The following PTPRR variants were observed in gnomAD, a reference collection of about 807,000 sequenced individuals.
The protein encoded by PTPRR is receptor-type tyrosine-protein phosphatase R.
In PTPRR, 38 loss-of-function variants were observed where a neutral mutation model predicts 77.2. The ratio of observed to expected loss-of-function variants is 0.49; its 90% CI spans 0.38 to 0.65. The LOEUF (loss-of-function observed/expected upper bound fraction) is 0.65, where lower values mean the gene tolerates loss of function less well. Ranked by LOEUF, PTPRR falls within the 30% of genes least tolerant of loss-of-function variation. The pLI, the probability that PTPRR is intolerant of heterozygous loss-of-function variation, is 0.00. For missense variants in PTPRR, 744 were observed against 799.2 expected, an observed-to-expected ratio of 0.93 and a Z score of 0.83; for synonymous variants, 299 against 283.1, an observed-to-expected ratio of 1.06 and a Z score of -0.57.
intron 6 of PTPRR, among the ~76,000 whole-genome samples, chr12:70,740,117 G>A (rs745456827): frequency 6.6e-6 from 1 of 151,818 alleles, no homozygotes; most frequent in Non-Finnish European, 1.5e-5. Context: ...TATTGAAGGG[G>A]GAAAGAGAAT....
chr12:70,881,574 C>T (rs1893149978), intron 2 of PTPRR, among the ~76,000 whole-genome samples: 1 of 152,098 alleles, frequency 6.6e-6, no homozygotes, highest in Non-Finnish European at 1.5e-5. Flanking sequence ...AAAATGTAGG[C>T]CAAATGGAAA....
intron 2 of PTPRR, among the ~76,000 whole-genome samples, chr12:70,890,273 A>C (rs897996634): frequency 4.6e-5 from 7 of 152,192 alleles, no homozygotes. Flanking sequence ...ATTTGGGATA[A>C]ACATTCTAAT....
At chr12:70,672,413 T>C (rs1256692357) in intron 10 of PTPRR, 9 of 1,182,116 alleles carry the variant, frequency 7.6e-6, no homozygotes, top group East Asian at 2.4e-5. Flanking sequence ...GCTGTGGTCA[T>C]TGGAAAGAAA....
In PTPRR at chr12:70,856,802, AAGAG is replaced by A. The variant is rs141467738; in HGVS notation, c.357+35873_357+35876del. 1.9e-3 allele frequency among the ~76,000 whole-genome samples: 273 copies of A among 144,770 alleles called. 1 individual carries two copies. The highest frequency in any genetic ancestry group is 6.4e-3 in the African/African-American group (254 of 39,614). 95.0% of individuals were successfully genotyped at this position (144,770 alleles called of 152,430 possible). A position where few individuals can be genotyped will look rare whatever the true frequency, so the allele number is the denominator to read the frequency against. Reference sequence around the variant, plus strand: ...AAGCAAGGATAGAGAGGGAGGCAGGAAGAGAGAGAGAGAGAGAGGTGAGGAGTGG... The same window carrying A: ...AAGCAAGGATAGAGAGGGAGGCAGGAAGAGAGAGAGAGAGGTGAGGAGTGG... On this transcript the variant is annotated intron_variant, in intron 2 of 13. Coordinates refer to ENST00000283228, the MANE Select transcript of PTPRR (RefSeq NM_002849.4).
chr12:70,900,631 T>A (rs893315324), intron 1 of PTPRR, among the ~76,000 whole-genome samples: 2 of 151,438 alleles, frequency 1.3e-5, no homozygotes, highest in Non-Finnish European at 3.0e-5. Context: ...ACACATCTGA[T>A]AAGGAGTTAA....
intron 4 of PTPRR, among the ~76,000 whole-genome samples, chr12:70,760,306 C>T (rs1890663656): frequency 6.6e-6 from 1 of 152,190 alleles, no homozygotes; most frequent in African/African-American, 2.4e-5. Flanking sequence ...TGGTCACACA[C>T]ATTTTACGTG....
At position 70,892,735 on chromosome 12, in the gene PTPRR, C is replaced by G; in HGVS notation, c.301G>C (p.Gly101Arg). The G allele has an allele frequency of 6.2e-7, 1 of 1,613,338 alleles. No individual in the cohort carries two copies. The highest frequency in any genetic ancestry group is 8.5e-7 in the Non-Finnish European group (1 of 1,179,494). ...DPSLNLLAMDGQDLEVENLPI... is the reference protein window; with the variant it reads ...DPSLNLLAMDRQDLEVENLPI... ...AGATTTTCCACTTCAAGATCTTGAC[C>G]ATCCATGGCCAGCAGATTGAGAGAC... is the stretch of plus-strand genomic sequence containing the variant. Residue 101 changes from glycine (G) to arginine (R), a missense_variant, in exon 2 of 14, where the codon GGT becomes CGT. Physicochemically the swap from Gly to Arg is moderately radical, Grantham distance 125. Coordinates refer to ENST00000283228, the MANE Select transcript of PTPRR (RefSeq NM_002849.4).
chr12:70,766,948 A>C (rs1890839770), intron 2 of PTPRR, among the ~76,000 whole-genome samples: 1 of 152,168 alleles, frequency 6.6e-6, no homozygotes, highest in Non-Finnish European at 1.5e-5. Context: ...AAAATACTTT[A>C]CAGACAAGCA....
chr12:70,833,117 T>C (rs1022858526), intron 2 of PTPRR, among the ~76,000 whole-genome samples: 2 of 152,060 alleles, frequency 1.3e-5, no homozygotes, highest in African/African-American at 4.8e-5. Flanking sequence ...ACACTGGGGA[T>C]CACATTTCAA....
At chr12:70,728,173 C>T (rs1889511048) in intron 6 of PTPRR, among the ~76,000 whole-genome samples, 1 of 147,656 alleles carries the variant, frequency 6.8e-6, no homozygotes. Flanking sequence ...ATCCGAAATG[C>T]TTGGGACCAG....
Position 70,837,006 on chromosome 12 carries a change from T to G in PTPRR, c.357+55673A>C, listed in dbSNP as rs374047822. Among the ~76,000 whole-genome samples the G allele has an allele frequency of 7.2e-5, 11 of 152,178 alleles. No individual in the cohort carries two copies. The East Asian group carries it at 1.2e-3, about 16-fold the overall frequency. On this transcript the variant is annotated intron_variant, in intron 2 of 13. Coordinates refer to ENST00000283228, the MANE Select transcript of PTPRR (RefSeq NM_002849.4). ...GAAAAATTATCTTATTTAAAATATT[T>G]TGCAATATTTAAGGTATATAAATGT...
At chr12:70,689,223 T>C (rs1312289145) in intron 8 of PTPRR, among the ~76,000 whole-genome samples, 2 of 152,166 alleles carry the variant, frequency 1.3e-5, no homozygotes, top group Non-Finnish European at 2.9e-5. Context: ...AGGTAATGGA[T>C]ACATTAATAT....
Position 70,865,650 on chromosome 12 carries a change from A to G in PTPRR, c.357+27029T>C, listed in dbSNP as rs138513919. ...CGTCTGAACCCATGTGGATTAACTC[A>G]AAGTTTTCTAATATATATGAAGTTA... is the stretch of plus-strand genomic sequence containing the variant. On this transcript the variant is annotated intron_variant, in intron 2 of 13. Coordinates refer to ENST00000283228, the MANE Select transcript of PTPRR (RefSeq NM_002849.4). Among the ~76,000 whole-genome samples the G allele has an allele frequency of 7.4e-4, 112 of 152,342 alleles. No individual in the cohort carries two copies. In the East Asian group the frequency reaches 0.013, roughly 17 times the overall value.
intron 10 of PTPRR, among the ~76,000 whole-genome samples, chr12:70,674,326 CTAACT>C (rs1233036715): frequency 6.6e-6 from 1 of 152,028 alleles, no homozygotes; most frequent in Non-Finnish European, 1.5e-5. Context: ...AGTTCTTTTA[CTAACT>C]TAAGTCTGTT....
chr12:70,696,471 T>G (rs1888237287), intron 8 of PTPRR, among the ~76,000 whole-genome samples: 1 of 152,192 alleles, frequency 6.6e-6, no homozygotes, highest in East Asian at 1.9e-4. Context: ...TGGATTGGAA[T>G]CACCTAGGTG....
intron 10 of PTPRR, among the ~76,000 whole-genome samples, chr12:70,676,447 T>C (rs1249552483): frequency 6.6e-6 from 1 of 152,060 alleles, no homozygotes; most frequent in Admixed American, 6.5e-5. Context: ...TTATTTCAGT[T>C]ATTTTAATTT....
At chr12:70,892,117 T>C (rs1029728981) in intron 2 of PTPRR, among the ~76,000 whole-genome samples, 2 of 152,084 alleles carry the variant, frequency 1.3e-5, no homozygotes, top group African/African-American at 4.8e-5. Flanking sequence ...TGTATCACTT[T>C]TATTAATAAA....
chr12:70,890,407 G>A (rs1434221877), intron 2 of PTPRR, among the ~76,000 whole-genome samples: 2 of 152,126 alleles, frequency 1.3e-5, no homozygotes, highest in African/African-American at 2.4e-5. Context: ...GGTGGCAATT[G>A]GGAATCAGGA....
At position 70,660,928 on chromosome 12, in the gene PTPRR, T is replaced by C. The variant is rs763255755; in HGVS notation, c.1766+12A>G. 5.0e-5 allele frequency: 80 copies of C among 1,608,700 alleles called. No individual in the cohort carries two copies. The highest frequency in any genetic ancestry group is 1.7e-4 in the Middle Eastern group (1 of 5,752). On this transcript the variant is annotated intron_variant, in intron 12 of 13. Coordinates refer to ENST00000283228, the MANE Select transcript of PTPRR (RefSeq NM_002849.4). Reference sequence around the variant, plus strand: ...GCCATTGCTTAGACAGAAAGGACCATACACGTCTTACCTGCAGTGGACAAC... The same window carrying C: ...GCCATTGCTTAGACAGAAAGGACCACACACGTCTTACCTGCAGTGGACAAC...
Sources: allele counts gnomAD v4.1 joint callset (sites outside exome capture counted in the v4.1 genomes callset), GRCh38; gene constraint gnomAD v4.1.1; transcripts MANE v1.5; gene names NCBI Gene and HGNC (gene_info 2026-07-23, HGNC 2026-07-21).